Variants in TG observed in about 807,000 individuals in gnomAD.
TG encodes the protein thyroglobulin.
TG carries 270 observed loss-of-function variants against 324.7 expected under a neutral mutation model. The observed-to-expected ratio is 0.83, with a 90% CI of 0.75 to 0.92. The LOEUF (loss-of-function observed/expected upper bound fraction) is 0.92. Among genes scored for constraint, TG ranks in the 40% least tolerant of loss-of-function variants. TG has a pLI of 0.00. For missense variants in TG, 3,591 were observed against 3,456.4 expected (o/e 1.04, Z -0.98); for synonymous variants, 1,401 against 1,327.0 (o/e 1.06, Z -1.21).
chr8:133,095,835 A>T (rs938462165), intron 42 of TG, among the ~76,000 whole-genome samples: 1 of 152,226 alleles, frequency 6.6e-6, no homozygotes, highest in Non-Finnish European at 1.5e-5. Context: ...CCCTAAGTGC[A>T]GGCTAATTTG....
At chr8:132,881,154 C>G (rs1365979443) in intron 5 of TG, among the ~76,000 whole-genome samples, 1 of 152,170 alleles carries the variant, frequency 6.6e-6, no homozygotes, top group Non-Finnish European at 1.5e-5. Context: ...AGGGGTAGAA[C>G]TCCTCAATAT....
intron 5 of TG, among the ~76,000 whole-genome samples, chr8:132,874,738 A>C (rs985590955): frequency 1.3e-5 from 2 of 152,248 alleles, no homozygotes; most frequent in Non-Finnish European, 2.9e-5. Context: ...TAGGTTAAAA[A>C]ATAGTTGAAC....
At chr8:133,107,512 AC>A (rs900739199) in intron 43 of TG, among the ~76,000 whole-genome samples, 52 of 151,862 alleles carry the variant, frequency 3.4e-4, no homozygotes, top group African/African-American at 1.1e-3. Context: ...GGTGGCCCCC[AC>A]TCCCGCCTGC....
chr8:133,064,923 T>G (rs1216088445), intron 41 of TG, among the ~76,000 whole-genome samples: 1 of 152,040 alleles, frequency 6.6e-6, no homozygotes, highest in Non-Finnish European at 1.5e-5. Flanking sequence ...GGAGACAAAT[T>G]GAGGAAGTCC....
chr8:132,992,892 T>C (rs1832512391), intron 35 of TG, among the ~76,000 whole-genome samples: 1 of 152,216 alleles, frequency 6.6e-6, no homozygotes, highest in Admixed American at 6.5e-5. Context: ...TGTTTACTTG[T>C]TGAGTGTTGC....
chr8:132,999,979 G>T (rs1223555757), intron 35 of TG, among the ~76,000 whole-genome samples: 2 of 152,046 alleles, frequency 1.3e-5, no homozygotes. Flanking sequence ...AAGATGAGGG[G>T]GTAGCAACTG....
chr8:132,979,066 C>T (rs991050894), intron 34 of TG, among the ~76,000 whole-genome samples: 4 of 152,184 alleles, frequency 2.6e-5, no homozygotes, highest in Admixed American at 2.0e-4. Flanking sequence ...CTGTTTGCAG[C>T]CCCTTCCTGG....
At chr8:132,910,183 AGGGCCATT>A (rs1211126222) in intron 18 of TG, among the ~76,000 whole-genome samples, 1 of 152,316 alleles carries the variant, frequency 6.6e-6, no homozygotes, top group East Asian at 1.9e-4. Flanking sequence ...TCTGGGTGCC[AGGGCCATT>A]GGGATGGATG....
At chr8:132,888,801 T>C (rs918553548) in intron 10 of TG, among the ~76,000 whole-genome samples, 2 of 152,212 alleles carry the variant, frequency 1.3e-5, no homozygotes, top group Non-Finnish European at 2.9e-5. Flanking sequence ...TTTCATATAA[T>C]TGATTACTTC....
At chr8:133,131,666 A>G (rs17633144) in intron 45 of TG, 146 bp from the exon 46 acceptor site, 279,417 of 1,181,840 alleles carry the variant, frequency 0.24, 36,315 homozygotes, top group Middle Eastern at 0.27. Flanking sequence ...TCTCCATTCA[A>G]CTGGGCCCTA....
At chr8:132,898,721 G>A (rs766282548) in intron 13 of TG, 77 bp from the exon 14 acceptor site, 15 of 1,267,844 alleles carry the variant, frequency 1.2e-5, no homozygotes, top group Non-Finnish European at 1.7e-5. Context: ...GACCCTTAAA[G>A]GTGGGGTCAG....
chr8:132,974,328 C>T (rs1829933891), intron 34 of TG, among the ~76,000 whole-genome samples: 1 of 152,152 alleles, frequency 6.6e-6, no homozygotes, highest in African/African-American at 2.4e-5. Context: ...ACCCTTTGTC[C>T]AAAGTAGGCA....
At chr8:133,131,033 G>T (rs1198154948) in intron 45 of TG, among the ~76,000 whole-genome samples, 2 of 152,186 alleles carry the variant, frequency 1.3e-5, no homozygotes, top group Admixed American at 6.5e-5. Context: ...GACCGGCAGT[G>T]GGGTATGACT....
At chr8:132,898,326 G>T in intron 13 of TG, 80 bp downstream of exon 13, 1 of 1,354,648 alleles carries the variant, frequency 7.4e-7, no homozygotes, top group Non-Finnish European at 1.0e-6. Flanking sequence ...TTGCCTAACC[G>T]CTGGAGACTC....
intron 1 of TG, 114 bp downstream of exon 1, chr8:132,867,181 A>G (rs1163276510): frequency 5.3e-6 from 5 of 938,906 alleles, no homozygotes; most frequent in South Asian, 1.5e-5. Flanking sequence ...AAATTCCCAC[A>G]TGTCAGTGAT....
At chr8:132,979,372 C>G (rs1830552492) in intron 34 of TG, among the ~76,000 whole-genome samples, 1 of 152,192 alleles carries the variant, frequency 6.6e-6, no homozygotes, top group African/African-American at 2.4e-5. Context: ...CAGTTCCTGT[C>G]TTCTGCTAAG....
intron 43 of TG, among the ~76,000 whole-genome samples, chr8:133,109,614 C>T (rs1850102146): frequency 6.6e-6 from 1 of 152,182 alleles, no homozygotes; most frequent in African/African-American, 2.4e-5. Flanking sequence ...GTGACTTACT[C>T]AGCTGTGTAA....
chr8:132,946,848 T>C (rs1825382439), intron 26 of TG, among the ~76,000 whole-genome samples: 1 of 152,158 alleles, frequency 6.6e-6, no homozygotes, highest in Admixed American at 6.5e-5. Flanking sequence ...CCCCTACCTC[T>C]CAGGCACAGC....
chr8:132,949,034 C>T lies in TG; in HGVS notation c.5401+91C>T, dbSNP rs2246608. The T allele has an allele frequency of 0.59, 723,900 of 1,227,710 alleles. 219,890 individuals carry two copies. Among genetic ancestry groups the T allele is most frequent in the Admixed American group, 0.65 (38,281 of 58,802 alleles). The allele number at this position is 1,227,710 out of a possible 1,614,324, so 76.1% of individuals were successfully genotyped here. ...ACTTTCTTATGAGCCCTCCTTGTGG[C>T]CTGAGGAGCTTATACTTCTGAAAAA... On this transcript the variant is annotated intron_variant, in intron 27 of 47. Coordinates refer to ENST00000220616, the MANE Select transcript of TG (RefSeq NM_003235.5).
Sources: gnomAD v4.1 joint callset for allele counts (sites outside exome capture counted in the v4.1 genomes callset) on GRCh38, gnomAD v4.1.1 for gene constraint, MANE v1.5 for transcripts, NCBI Gene and HGNC (gene_info 2026-07-23, HGNC 2026-07-21) for gene names.